The following ABI2 variants were observed in gnomAD, a reference collection of about 807,000 sequenced individuals.
The protein encoded by ABI2 is abelson interactor 2.
ABI2 carries 25 observed loss-of-function variants against 59.2 expected under a neutral mutation model. The observed-to-expected ratio is 0.42, with a 90% CI of 0.31 to 0.59. The LOEUF (loss-of-function observed/expected upper bound fraction) is 0.59. ABI2 is among the 20% of genes least tolerant of loss of function. The pLI, the probability that ABI2 is intolerant of heterozygous loss-of-function variation, is 0.14. For missense variants in ABI2, 545 were observed against 681.8 expected, an observed-to-expected ratio of 0.80 and a Z score of 2.23; for synonymous variants, 213 against 235.5, an observed-to-expected ratio of 0.90 and a Z score of 0.87.
At chr2:203,331,559 AT>A (rs2073537839) in intron 1 of ABI2, among the ~76,000 whole-genome samples, 3 of 151,752 alleles carry the variant, frequency 2.0e-5, no homozygotes, top group Non-Finnish European at 2.9e-5. Flanking sequence ...GGATTTCCCC[AT>A]TTTGGCCAGG....
At chr2:203,365,997 AT>A (rs1209809490) in intron 1 of ABI2, among the ~76,000 whole-genome samples, 1 of 151,550 alleles carries the variant, frequency 6.6e-6, no homozygotes, top group Non-Finnish European at 1.5e-5. Context: ...TGTTTTTTAA[AT>A]TTTTTTACTT....
chr2:203,367,172 A>G lies in ABI2; in HGVS notation c.285+128A>G, dbSNP rs2094528967. ...GTACGATTTGGAAAATAGCAACTTA[A>G]TATTAGGTTGTTTTTAGATTCTGTC... On this transcript the variant is annotated intron_variant, in intron 2 of 11. Coordinates refer to ENST00000261018, the MANE Select transcript of ABI2 (RefSeq NM_001375670.1). 5.6e-6 allele frequency: 7 copies of G among 1,260,994 alleles called. No homozygotes were observed. In the African/African-American group the frequency reaches 9.2e-5, roughly 17 times the overall value. 78.1% of individuals were successfully genotyped at this position (1,260,994 alleles called of 1,614,324 possible). A position where few individuals can be genotyped will look rare whatever the true frequency, so the allele number is the denominator to read the frequency against.
chr2:203,422,978 T>C (rs2098279955), intron 11 of ABI2, among the ~76,000 whole-genome samples: 1 of 152,194 alleles, frequency 6.6e-6, no homozygotes, highest in African/African-American at 2.4e-5. Flanking sequence ...ACTCACAATA[T>C]GTAATTTAAT....
intron 1 of ABI2, among the ~76,000 whole-genome samples, chr2:203,363,445 T>C (rs970060677): frequency 6.6e-6 from 1 of 151,970 alleles, no homozygotes; most frequent in Non-Finnish European, 1.5e-5. Flanking sequence ...TACCCCTACC[T>C]CCACCATTCT....
At chr2:203,407,339 C>T (rs1276158569) in intron 9 of ABI2, among the ~76,000 whole-genome samples, 1 of 152,186 alleles carries the variant, frequency 6.6e-6, no homozygotes, top group Non-Finnish European at 1.5e-5. Context: ...TCTCAACTCG[C>T]ATGGGCTATA....
At chr2:203,413,639 C>G (rs925692872) in intron 10 of ABI2, among the ~76,000 whole-genome samples, 5 of 152,134 alleles carry the variant, frequency 3.3e-5, no homozygotes, top group Non-Finnish European at 5.9e-5. Flanking sequence ...ACTAATTTTA[C>G]AGACGTGGCA....
chr2:203,404,368 T>G (rs142061228), intron 9 of ABI2, among the ~76,000 whole-genome samples: 2 of 152,358 alleles, frequency 1.3e-5, no homozygotes, highest in East Asian at 3.9e-4. Context: ...CTGCCTTAAT[T>G]GATATATACT....
chr2:203,364,223 A>G (rs957041663), intron 1 of ABI2, among the ~76,000 whole-genome samples: 5 of 151,138 alleles, frequency 3.3e-5, no homozygotes, highest in Non-Finnish European at 5.9e-5. Flanking sequence ...GCTCCTGAGT[A>G]GCTGGGATTA....
Position 203,429,058 on chromosome 2 carries a change from C to G in ABI2, c.*1706C>G, listed in dbSNP as rs2098462699. 1 of 152,220 alleles carries G rather than the reference C, an allele frequency of 6.6e-6. No individual in the cohort carries two copies. The highest frequency in any genetic ancestry group is 2.4e-5 in the African/African-American group (1 of 41,456). 9.4% of individuals were successfully genotyped at this position (152,220 alleles called of 1,614,324 possible). A position where few individuals can be genotyped will look rare whatever the true frequency, so the allele number is the denominator to read the frequency against. ...AATCATCAGCATTTAACTGAGACCCCACTATAGAGTTTCCTTATCAAGACT... is the reference window on the plus strand; with the variant it reads ...AATCATCAGCATTTAACTGAGACCCGACTATAGAGTTTCCTTATCAAGACT... On this transcript the variant is annotated 3_prime_UTR_variant, in exon 12 of 12. Coordinates refer to ENST00000261018, the MANE Select transcript of ABI2 (RefSeq NM_001375670.1).
intron 4 of ABI2, among the ~76,000 whole-genome samples, chr2:203,390,292 T>C (rs570623974): frequency 6.6e-6 from 1 of 152,344 alleles, no homozygotes; most frequent in Admixed American, 6.5e-5. Context: ...TAGTTGCATA[T>C]TTTTATTTGG....
chr2:203,349,767 T>C (rs2086460302), intron 1 of ABI2, among the ~76,000 whole-genome samples: 1 of 152,082 alleles, frequency 6.6e-6, no homozygotes, highest in South Asian at 2.1e-4. Context: ...ATACCACATT[T>C]TGTTTACCCA....
At chr2:203,390,354 G>A (rs571355436) in intron 4 of ABI2, among the ~76,000 whole-genome samples, 1 of 152,060 alleles carries the variant, frequency 6.6e-6, no homozygotes. Flanking sequence ...GTTACTGGCC[G>A]GGTGCAGTGG....
intron 1 of ABI2, among the ~76,000 whole-genome samples, chr2:203,341,560 A>G (rs2079919358): frequency 1.3e-5 from 2 of 152,008 alleles, no homozygotes; most frequent in African/African-American, 4.8e-5. Flanking sequence ...ACTAAAAACA[A>G]AAAAATTTCT....
chr2:203,423,136 A>AT (rs1353166145), intron 11 of ABI2, among the ~76,000 whole-genome samples: 1 of 152,202 alleles, frequency 6.6e-6, no homozygotes, highest in Non-Finnish European at 1.5e-5. Context: ...AGTCACTTCT[A>AT]TGTAACATGC....
At chr2:203,395,903 G>C in intron 7 of ABI2, 123 bp downstream of exon 7, 1 of 1,156,412 alleles carries the variant, frequency 8.6e-7, no homozygotes, top group Non-Finnish European at 1.2e-6. Context: ...ATAAATATTG[G>C]GAAGTCTATA....
At chr2:203,370,971 G>A (rs971174511) in intron 2 of ABI2, among the ~76,000 whole-genome samples, 1 of 152,070 alleles carries the variant, frequency 6.6e-6, no homozygotes, top group Non-Finnish European at 1.5e-5. Flanking sequence ...CTATTTTAAC[G>A]AAAAAGAACG....
At chr2:203,382,300 A>G in intron 4 of ABI2, 94 bp downstream of exon 4, 2 of 1,057,262 alleles carry the variant, frequency 1.9e-6, no homozygotes, top group Non-Finnish European at 2.7e-6. Flanking sequence ...TGGCCTTTTA[A>G]AACCCAATAA....
At position 203,415,096 on chromosome 2, in the gene ABI2, A is replaced by T. The variant is rs552283079; in HGVS notation, c.1280-1812A>T. Reference sequence around the variant, plus strand: ...GTCAGTCTTTTTATCTTACAAATGGAAATAGGATAAATTTCTCTTTCTCAC... The same window carrying T: ...GTCAGTCTTTTTATCTTACAAATGGTAATAGGATAAATTTCTCTTTCTCAC... On this transcript the variant is annotated intron_variant, in intron 10 of 11. Coordinates refer to ENST00000261018, the MANE Select transcript of ABI2 (RefSeq NM_001375670.1). Among the ~76,000 whole-genome samples the T allele has an allele frequency of 3.9e-5, 6 of 152,358 alleles. No individual in the cohort carries two copies. In the South Asian group the frequency reaches 1.2e-3, roughly 32 times the overall value.
intron 1 of ABI2, among the ~76,000 whole-genome samples, chr2:203,357,658 A>C (rs2092487816): frequency 6.6e-6 from 1 of 152,262 alleles, no homozygotes; most frequent in Non-Finnish European, 1.5e-5. Context: ...TGTTATTGAG[A>C]ACTGAAGCCA....
Sources: allele counts gnomAD v4.1 joint callset (sites outside exome capture counted in the v4.1 genomes callset), GRCh38; gene constraint gnomAD v4.1.1; transcripts MANE v1.5; gene names NCBI Gene and HGNC (gene_info 2026-07-23, HGNC 2026-07-21).